Variants in COL24A1 observed in about 807,000 individuals in gnomAD.
COL24A1 encodes the protein collagen type XXIV alpha 1 chain.
A neutral mutation model predicts 253.9 loss-of-function variants in COL24A1; 224 were observed. The ratio of observed to expected loss-of-function variants is 0.88; its 90% CI spans 0.79 to 0.99. COL24A1 has a LOEUF of 0.99. COL24A1 is among the 50% of genes least tolerant of loss of function. The pLI is 0.00. For missense variants in COL24A1, 2,131 were observed against 2,068.5 expected (o/e 1.03, Z -0.59); for synonymous variants, 685 against 673.7 (o/e 1.02, Z -0.26).
intron 24 of COL24A1, among the ~76,000 whole-genome samples, chr1:85,919,763 G>A (rs1337684881): frequency 6.6e-6 from 1 of 152,126 alleles, no homozygotes; most frequent in Non-Finnish European, 1.5e-5. Flanking sequence ...AGCTACTTAG[G>A]AACACCTTCA....
intron 40 of COL24A1, 25 bp downstream of exon 40, chr1:85,842,315 T>C (rs778537491): frequency 4.1e-5 from 62 of 1,519,340 alleles, no homozygotes; most frequent in Admixed American, 3.5e-4. Context: ...CATGTGAATA[T>C]ATTTTTTCAA....
intron 7 of COL24A1, among the ~76,000 whole-genome samples, chr1:86,075,416 A>C (rs562959352): frequency 1.3e-5 from 2 of 152,278 alleles, no homozygotes; most frequent in African/African-American, 4.8e-5. Context: ...TACCAACTAA[A>C]AAAAAGCCCA....
At position 85,769,555 on chromosome 1, in the gene COL24A1, A is replaced by G. The variant is rs185843278; in HGVS notation, c.4374+6119T>C. Among the ~76,000 whole-genome samples the G allele has an allele frequency of 1.4e-4, 22 of 152,200 alleles. No individual in the cohort carries two copies. In the East Asian group the frequency reaches 3.9e-3, roughly 27 times the overall value. ...GAAATGTTCATTAAATCAAAATGTC[A>G]AGATCAGCAGGAGCTCTCTACCATA... On this transcript the variant is annotated intron_variant, in intron 53 of 59. Transcript: ENST00000370571.
chr1:85,836,192 G>T (rs1346368303), intron 43 of COL24A1, among the ~76,000 whole-genome samples: 2 of 152,090 alleles, frequency 1.3e-5, no homozygotes, highest in Non-Finnish European at 2.9e-5. Context: ...CTTTATGAAG[G>T]CTCCCGTGTT....
chr1:85,897,190 G>T lies in COL24A1; in HGVS notation c.2779-781C>A, dbSNP rs201752932. On this transcript the variant is annotated intron_variant, in intron 28 of 59. Coordinates refer to ENST00000370571, the MANE Select transcript of COL24A1 (RefSeq NM_152890.7). ...ACCGCATTTTCTCACTTATAAGTGGGAGCTGAATGATGATAACACATGGAC... is the reference window on the plus strand; with the variant it reads ...ACCGCATTTTCTCACTTATAAGTGGTAGCTGAATGATGATAACACATGGAC... 8.5e-5 allele frequency among the ~76,000 whole-genome samples: 13 copies of T among 152,272 alleles called. No individual in the cohort carries two copies. In the East Asian group the frequency reaches 2.5e-3, roughly 29 times the overall value.
Position 85,868,774 on chromosome 1 carries a change from T to A in COL24A1, c.3192+8A>T, listed in dbSNP as rs2102519895. ...TATTTTATATATAATCTTAAAAGTA[T>A]AATTTACCTTTAACCCATCTTTTCC... On this transcript the variant is annotated splice_region_variant and intron_variant, in intron 36 of 59. Coordinates refer to ENST00000370571, the MANE Select transcript of COL24A1 (RefSeq NM_152890.7). The A allele has an allele frequency of 2.0e-6, 3 of 1,529,512 alleles. No individual in the cohort carries two copies. The highest frequency in any genetic ancestry group is 1.4e-5 in the African/African-American group (1 of 72,230). 94.7% of individuals were successfully genotyped at this position (1,529,512 alleles called of 1,614,324 possible). A position where few individuals can be genotyped will look rare whatever the true frequency, so the allele number is the denominator to read the frequency against.
At chr1:85,829,301 C>A (rs1674852691) in intron 43 of COL24A1, among the ~76,000 whole-genome samples, 1 of 151,992 alleles carries the variant, frequency 6.6e-6, no homozygotes, top group Admixed American at 6.6e-5. Context: ...TGCTCTTAGT[C>A]TGATGGGCTT....
intron 2 of COL24A1, among the ~76,000 whole-genome samples, chr1:86,139,432 T>A (rs1275321940): frequency 6.6e-6 from 1 of 152,118 alleles, no homozygotes; most frequent in African/African-American, 2.4e-5. Context: ...AACCATTAAA[T>A]GTGTCAATAT....
intron 19 of COL24A1, among the ~76,000 whole-genome samples, chr1:85,993,377 C>T (rs6576795): frequency 0.47 from 70,376 of 150,988 alleles, 16,751 homozygotes; most frequent in East Asian, 0.61. Context: ...ATCCATAAAA[C>T]GAACAGCCTA....
At chr1:85,730,748 T>C in intron 59 of COL24A1, 56 bp from the exon 60 acceptor site, 2 of 1,561,224 alleles carry the variant, frequency 1.3e-6, no homozygotes, top group Non-Finnish European at 1.8e-6. Context: ...TCACTTTCAG[T>C]AGACAATGCC....
chr1:85,886,903 GCT>G (rs2102713850), intron 32 of COL24A1, among the ~76,000 whole-genome samples: 1 of 152,150 alleles, frequency 6.6e-6, no homozygotes, highest in Non-Finnish European at 1.5e-5. Flanking sequence ...TATTTTGGCT[GCT>G]CTCTTTGTCT....
At chr1:85,820,315 A>G (rs1170722922) in intron 45 of COL24A1, among the ~76,000 whole-genome samples, 1 of 152,206 alleles carries the variant, frequency 6.6e-6, no homozygotes, top group East Asian at 1.9e-4. Flanking sequence ...CAGTGGGATT[A>G]AGAATGTCTT....
chr1:85,849,552 A>T (rs907802858), intron 37 of COL24A1, 146 bp from the exon 38 acceptor site: 28 of 659,550 alleles, frequency 4.2e-5, no homozygotes, highest in Non-Finnish European at 6.1e-5. Flanking sequence ...GGTTTGTATC[A>T]TTTAAAAAGA....
In COL24A1 at chr1:85,787,398, G is replaced by A. The variant is rs150482401; in HGVS notation, c.3952-937C>T. 3.9e-3 allele frequency among the ~76,000 whole-genome samples: 587 copies of A among 152,180 alleles called. 2 individuals carry two copies. The highest frequency in any genetic ancestry group is 0.013 in the African/African-American group (559 of 41,510). ...CCTCCACCAACAGGCCCCAGTGGGTGTTGTTCCCCTCCCTGTGTCCATGTG... is the reference window on the plus strand; with the variant it reads ...CCTCCACCAACAGGCCCCAGTGGGTATTGTTCCCCTCCCTGTGTCCATGTG... On this transcript the variant is annotated intron_variant, in intron 47 of 59. Coordinates refer to ENST00000370571, the MANE Select transcript of COL24A1 (RefSeq NM_152890.7).
At chr1:86,151,983 CA>C (rs1652840418) in intron 1 of COL24A1, among the ~76,000 whole-genome samples, 1 of 152,176 alleles carries the variant, frequency 6.6e-6, no homozygotes, top group Admixed American at 6.5e-5. Flanking sequence ...GCTACGTTTA[CA>C]TGCCAAAAAC....
intron 5 of COL24A1, among the ~76,000 whole-genome samples, chr1:86,095,241 A>G (rs1370766696): frequency 6.6e-6 from 1 of 152,210 alleles, no homozygotes; most frequent in Non-Finnish European, 1.5e-5. Context: ...CACTTTAAAA[A>G]TTGATAGAGT....
At chr1:85,834,511 C>G (rs1558318553) in intron 43 of COL24A1, among the ~76,000 whole-genome samples, 1 of 152,034 alleles carries the variant, frequency 6.6e-6, no homozygotes, top group East Asian at 1.9e-4. Flanking sequence ...TGTCCAATAG[C>G]TATTTAGATG....
intron 20 of COL24A1, among the ~76,000 whole-genome samples, chr1:85,986,811 G>C (rs72956221): frequency 0.012 from 1,810 of 151,764 alleles, 30 homozygotes; most frequent in African/African-American, 0.041. Context: ...TACTCCCATT[G>C]ATACCTCCAT....
chr1:86,129,999 C>T (rs1235256419), intron 2 of COL24A1, among the ~76,000 whole-genome samples: 1 of 151,770 alleles, frequency 6.6e-6, no homozygotes, highest in Non-Finnish European at 1.5e-5. Flanking sequence ...TTGGCCTTTT[C>T]TCTCTTGTGG....
Sources: gnomAD v4.1 joint callset for allele counts (sites outside exome capture counted in the v4.1 genomes callset) on GRCh38, gnomAD v4.1.1 for gene constraint, MANE v1.5 for transcripts, NCBI Gene and HGNC (gene_info 2026-07-23, HGNC 2026-07-21) for gene names.